The following AKAP6 variants were observed in gnomAD, a reference collection of about 807,000 sequenced individuals.
The protein encoded by AKAP6 is A-kinase anchor protein 6.
A neutral mutation model predicts 188.5 loss-of-function variants in AKAP6; 58 were observed. The ratio of observed to expected loss-of-function variants is 0.31; its 90% confidence interval spans 0.25 to 0.38. AKAP6 has a LOEUF of 0.38. Among genes scored for constraint, AKAP6 ranks in the 10% least tolerant of loss-of-function variants. The pLI, the probability that AKAP6 is intolerant of heterozygous loss-of-function variation, is 1.00. For missense variants in AKAP6, 2,710 were observed against 2,740.0 expected (o/e 0.99, Z 0.24); for synonymous variants, 989 against 998.6 (o/e 0.99, Z 0.18).
intron 12 of AKAP6, among the ~76,000 whole-genome samples, chr14:32,795,371 A>G (rs1184767925): frequency 6.6e-6 from 1 of 152,220 alleles, no homozygotes; most frequent in Non-Finnish European, 1.5e-5. Context: ...ATGAATGTAG[A>G]TGCAAAAATC....
At chr14:32,731,771 C>T (rs1241718717) in intron 9 of AKAP6, among the ~76,000 whole-genome samples, 1 of 152,032 alleles carries the variant, frequency 6.6e-6, no homozygotes, top group Non-Finnish European at 1.5e-5. Context: ...ATAGCACTTA[C>T]ATTATCTCCA....
intron 7 of AKAP6, among the ~76,000 whole-genome samples, chr14:32,661,913 T>G (rs1487278302): frequency 6.6e-6 from 1 of 152,108 alleles, no homozygotes; most frequent in African/African-American, 2.4e-5. Flanking sequence ...AATCACAAGT[T>G]ATGAAAGTAT....
chr14:32,759,210 A>G (rs1239150199), intron 11 of AKAP6, among the ~76,000 whole-genome samples: 1 of 152,128 alleles, frequency 6.6e-6, no homozygotes, highest in Non-Finnish European at 1.5e-5. Context: ...TTTCTCAAGG[A>G]TATTTTTCTT....
intron 8 of AKAP6, among the ~76,000 whole-genome samples, chr14:32,691,182 C>A (rs1890163668): frequency 6.6e-6 from 1 of 152,140 alleles, no homozygotes; most frequent in Non-Finnish European, 1.5e-5. Flanking sequence ...TTAATCACCT[C>A]TCTCCCTTCA....
At chr14:32,813,132 A>G (rs1032299257) in intron 12 of AKAP6, among the ~76,000 whole-genome samples, 2 of 152,122 alleles carry the variant, frequency 1.3e-5, no homozygotes, top group African/African-American at 4.8e-5. Flanking sequence ...ACCCTTCCTT[A>G]GGTTATTCTA....
At chr14:32,617,103 C>T (rs1159087780) in intron 7 of AKAP6, 1 of 152,374 alleles carries the variant, frequency 6.6e-6, no homozygotes, top group Non-Finnish European at 1.5e-5. Flanking sequence ...TGTGCCTCTC[C>T]TATCCAGAAT....
At chr14:32,791,282 G>A (rs1240096850) in intron 12 of AKAP6, among the ~76,000 whole-genome samples, 1 of 152,088 alleles carries the variant, frequency 6.6e-6, no homozygotes, top group Non-Finnish European at 1.5e-5. Flanking sequence ...AGCATCTATT[G>A]TTTCCTGACT....
chr14:32,469,550 C>T (rs939495165), intron 2 of AKAP6, among the ~76,000 whole-genome samples: 1 of 152,064 alleles, frequency 6.6e-6, no homozygotes, highest in African/African-American at 2.4e-5. Context: ...TATTTGAATG[C>T]TGACAAGAAA....
chr14:32,447,039 A>G (rs928973025), intron 2 of AKAP6, among the ~76,000 whole-genome samples: 3 of 152,164 alleles, frequency 2.0e-5, no homozygotes, highest in Non-Finnish European at 4.4e-5. Flanking sequence ...GACCCCAGCT[A>G]GGCATCACAG....
intron 1 of AKAP6, among the ~76,000 whole-genome samples, chr14:32,392,663 A>C (rs577505140): frequency 6.6e-6 from 1 of 152,264 alleles, no homozygotes; most frequent in South Asian, 2.1e-4. Flanking sequence ...ACCCTAGAGC[A>C]TCTTATTACA....
At chr14:32,582,131 A>G (rs867092126) in intron 5 of AKAP6, among the ~76,000 whole-genome samples, 107 of 151,858 alleles carry the variant, frequency 7.0e-4, no homozygotes, top group Middle Eastern at 3.4e-3. Flanking sequence ...AGTGGCTGGT[A>G]CCGGTTGTTC....
intron 1 of AKAP6, among the ~76,000 whole-genome samples, chr14:32,408,661 A>AT (rs1889375600): frequency 6.6e-6 from 1 of 152,008 alleles, no homozygotes; most frequent in South Asian, 2.1e-4. Flanking sequence ...TTAGTCTGTT[A>AT]TTGTAACCAG....
At chr14:32,452,016 T>C in intron 2 of AKAP6, among the ~76,000 whole-genome samples, 1 of 82,552 alleles carries the variant, frequency 1.2e-5, no homozygotes, top group Non-Finnish European at 3.2e-5. Flanking sequence ...TTTACATTTT[T>C]TTTTTTTTTT....
At chr14:32,667,467 C>CA (rs535241100) in intron 7 of AKAP6, among the ~76,000 whole-genome samples, 2 of 151,736 alleles carry the variant, frequency 1.3e-5, no homozygotes, top group Non-Finnish European at 1.5e-5. Flanking sequence ...GGCACAAACA[C>CA]AAAAAAATAA....
chr14:32,427,359 G>C (rs932550682), intron 1 of AKAP6, among the ~76,000 whole-genome samples: 1 of 152,180 alleles, frequency 6.6e-6, no homozygotes, highest in Admixed American at 6.5e-5. Context: ...ATTTCCTTAG[G>C]AGCATCTTAC....
intron 1 of AKAP6, among the ~76,000 whole-genome samples, chr14:32,370,137 T>A (rs1887961569): frequency 1.3e-5 from 2 of 152,268 alleles, no homozygotes; most frequent in Admixed American, 6.5e-5. Flanking sequence ...TTTGGCCATA[T>A]GATGCTTGGC....
chr14:32,701,480 A>AT (rs999954675), intron 9 of AKAP6, among the ~76,000 whole-genome samples: 4 of 152,094 alleles, frequency 2.6e-5, no homozygotes, highest in South Asian at 2.1e-4. Flanking sequence ...TTCTTTTAGG[A>AT]TTTTTTTAAA....
intron 7 of AKAP6, among the ~76,000 whole-genome samples, chr14:32,658,695 TTAAA>T (rs1236504269): frequency 1.3e-5 from 2 of 151,578 alleles, no homozygotes; most frequent in African/African-American, 2.4e-5. Flanking sequence ...CATTGAAAAC[TTAAA>T]TAACACTCTT....
intron 2 of AKAP6, among the ~76,000 whole-genome samples, chr14:32,528,751 C>T (rs2139089850): frequency 1.3e-5 from 2 of 152,198 alleles, no homozygotes; most frequent in South Asian, 4.2e-4. Context: ...GATCTCGGCT[C>T]ACTGCAACCT....
Sources: allele counts gnomAD v4.1 joint callset (sites outside exome capture counted in the v4.1 genomes callset), GRCh38; gene constraint gnomAD v4.1.1; transcripts MANE v1.5; gene names NCBI Gene and HGNC (gene_info 2026-07-23, HGNC 2026-07-21).